The following PTPRN variants were observed in gnomAD, a reference collection of about 807,000 sequenced individuals.
PTPRN encodes protein tyrosine phosphatase receptor type N, also known as receptor-type tyrosine-protein phosphatase-like N.
A neutral mutation model predicts 108.5 loss-of-function variants in PTPRN; 70 were observed. That is an observed-to-expected ratio of 0.65 (90% CI 0.53 to 0.79). The LOEUF (loss-of-function observed/expected upper bound fraction) is 0.79. PTPRN is among the 30% of genes least tolerant of loss of function. The probability of loss-of-function intolerance (pLI) is 0.00; values close to 1 mark genes in which losing one functional copy is unlikely to be tolerated. For synonymous variants in PTPRN, 496 were observed against 524.6 expected (o/e 0.95, Z 0.75); for missense variants, 1,136 against 1,295.5 (o/e 0.88, Z 1.89).
intron 8 of PTPRN, 144 bp from the exon 9 acceptor site, chr2:219,300,403 G>C (rs1195916267): frequency 1.3e-6 from 1 of 772,392 alleles, no homozygotes; most frequent in Non-Finnish European, 2.0e-6. Context: ...GTACAGAGAG[G>C]ACACCAGAGC....
chr2:219,291,399 C>T lies in PTPRN; in HGVS notation c.2729+71G>A. The T allele has an allele frequency of 2.6e-6, 4 of 1,522,862 alleles. No individual in the cohort carries two copies. In the South Asian group the frequency reaches 4.5e-5, roughly 17 times the overall value. The allele number at this position is 1,522,862 out of a possible 1,614,324, so 94.3% of individuals were successfully genotyped here. On this transcript the variant is annotated intron_variant, in intron 20 of 22. Coordinates refer to ENST00000295718, the MANE Select transcript of PTPRN (RefSeq NM_002846.4). ...CTGCAGTTTGCTAGCACCAAGGGGA[C>T]AGGCAGGCAATGTGCACAGGAGACG...
chr2:219,290,939 G>A lies in PTPRN; in HGVS notation c.2730-49C>T. 6.3e-7 allele frequency: 1 copy of A among 1,581,482 alleles called. No individual in the cohort carries two copies. The highest frequency in any genetic ancestry group is 1.3e-5 in the African/African-American group (1 of 74,318). On this transcript the variant is annotated intron_variant, in intron 20 of 22. Transcript: ENST00000295718. This position sits in a 1 kb window ranked among gnomAD's most constrained non-coding sequence, Gnocchi z 4.2. ...TTTAGCTTGAGATGCAGCAGAAAGG[G>A]GGAGGGACGGAGGAGGCGAGGAGGC...
Position 219,302,423 on chromosome 2 carries a change from G to A in PTPRN, c.708C>T (p.Pro236=). ...SPGMVSVGPL[P]KAEAPALFSR... Reference sequence around the variant, plus strand: ...TGAAGAGGGCAGGGGCTTCAGCCTTGGGCAGGGGGCCGACACTGACCATCC... The same window carrying A: ...TGAAGAGGGCAGGGGCTTCAGCCTTAGGCAGGGGGCCGACACTGACCATCC... Residue 236 remains proline (P), a synonymous_variant, in exon 6 of 23, where the codon CCC becomes CCT. Coordinates refer to ENST00000295718, the MANE Select transcript of PTPRN (RefSeq NM_002846.4). The A allele has an allele frequency of 6.2e-7, 1 of 1,614,166 alleles. No homozygotes were observed. The highest frequency in any genetic ancestry group is 8.5e-7 in the Non-Finnish European group (1 of 1,179,984).
intron 19 of PTPRN, among the ~76,000 whole-genome samples, chr2:219,294,526 A>ATGAAGGAGGGACGGAGAGGGG (rs1952130334): frequency 6.6e-6 from 1 of 151,614 alleles, no homozygotes; most frequent in African/African-American, 2.4e-5. Flanking sequence ...ACGGAGAGGG[A>ATGAAGGAGGGACGGAGAGGGG]TGAAGGAGGG....
In PTPRN at chr2:219,296,750, A is replaced by G. The variant is rs1952206831; in HGVS notation, c.2309T>C (p.Ile770Thr). Residue 770 changes from isoleucine (I) to threonine (T), a missense_variant and splice_region_variant, in exon 16 of 23, where the codon ATT (isoleucine) becomes ACT (threonine). Physicochemically the swap from Ile to Thr is moderately conservative, Grantham distance 89. Coordinates refer to ENST00000295718, the MANE Select transcript of PTPRN (RefSeq NM_002846.4). The surrounding 1 kb of genome is among the most constrained non-coding windows in gnomAD (Gnocchi z 6.0). ...SRSDYINASP[I>T]IEHDPRMPAY... ...GGGGCTGGAGTCAGGGCCACTCACA[A>G]TGGGGCTGGCGTTGATGTAATCGCT... The G allele has an allele frequency of 6.2e-7, 1 of 1,613,760 alleles. No individual in the cohort carries two copies. The highest frequency in any genetic ancestry group is 8.5e-7 in the Non-Finnish European group (1 of 1,179,890).
At position 219,295,121 on chromosome 2, in the gene PTPRN, G is replaced by A. The variant is rs1952156159; in HGVS notation, c.2529C>T (p.His843=). 1 of 1,612,180 alleles carries A rather than the reference G, an allele frequency of 6.2e-7. No homozygotes were observed. The highest frequency in any genetic ancestry group is 8.5e-7 in the Non-Finnish European group (1 of 1,179,074). ...GCACCAGAAAGTCCTCGCACCAGAT[G>A]TGCTCCGACACCAGGTTCACCTGCC... ...HVYEVNLVSE[H]IWCEDFLVRS... The change falls in exon 19 of 23, where the codon CAC becomes CAT. Residue 843 remains histidine, a synonymous_variant. Transcript: ENST00000295718.
Position 219,291,786 on chromosome 2 carries a change from T to G in PTPRN, c.2676-263A>C, listed in dbSNP as rs530564255. 12 of 549,334 alleles carry G rather than the reference T, an allele frequency of 2.2e-5. No individual in the cohort carries two copies. The Admixed American group carries it at 2.9e-4, about 13-fold the overall frequency. The allele number at this position is 549,334 out of a possible 1,614,324, so 34.0% of individuals were successfully genotyped here. ...CTGATTTAACCTCTTTGAGCCTCAG[T>G]TTTCTTACCTGTAAAATGGAGGATA... On this transcript the variant is annotated intron_variant, in intron 19 of 22. Coordinates refer to ENST00000295718, the MANE Select transcript of PTPRN (RefSeq NM_002846.4).
intron 1 of PTPRN, chr2:219,308,099 T>G: frequency 2.0e-6 from 1 of 496,780 alleles, no homozygotes; most frequent in South Asian, 2.5e-5. Flanking sequence ...GGAAGAAACC[T>G]TCCAGGTGCA....
In PTPRN at chr2:219,302,870, C is replaced by T. The variant is rs375604685; in HGVS notation, c.378-33G>A. 4.3e-4 allele frequency: 688 copies of T among 1,597,540 alleles called. 4 individuals are homozygous for T. The highest frequency in any genetic ancestry group is 3.0e-4 in the Non-Finnish European group (351 of 1,175,358). On this transcript the variant is annotated intron_variant, in intron 4 of 22. Transcript: ENST00000295718. Reference sequence around the variant, plus strand: ...GGAAAGCAAAGTGTGTGTGTTGGAGCGGGGGAAAGGGCATAGAGAGCCTGC... The same window carrying T: ...GGAAAGCAAAGTGTGTGTGTTGGAGTGGGGGAAAGGGCATAGAGAGCCTGC...
In PTPRN at chr2:219,303,849, A is replaced by G; in HGVS notation, c.281-18T>C. The stretch of plus-strand genomic sequence containing the variant: ...GGACAATCCTGTCAGGAAAGAGGAC[A>G]GCGTAAGTTGGTTCAGGAGTCTGGG... On this transcript the variant is annotated intron_variant, in intron 3 of 22. Coordinates refer to ENST00000295718, the MANE Select transcript of PTPRN (RefSeq NM_002846.4). 6.9e-6 allele frequency: 11 copies of G among 1,594,034 alleles called. No homozygotes were observed. The highest frequency in any genetic ancestry group is 9.4e-6 in the Non-Finnish European group (11 of 1,167,214).
chr2:219,306,689 A>C (rs368980295), intron 3 of PTPRN, among the ~76,000 whole-genome samples: 1 of 152,094 alleles, frequency 6.6e-6, no homozygotes, highest in African/African-American at 2.4e-5. Context: ...CCTCTCCATC[A>C]GTCTTCTACA....
At chr2:219,295,987 C>CAA (rs1952183565) in intron 18 of PTPRN, 1 of 547,356 alleles carries the variant, frequency 1.8e-6, no homozygotes, top group Admixed American at 3.3e-5. Context: ...CACACACACA[C>CAA]ACACACACAC....
intron 1 of PTPRN, 109 bp from the exon 2 acceptor site, chr2:219,307,951 T>A: frequency 9.2e-7 from 1 of 1,082,562 alleles, no homozygotes; most frequent in South Asian, 1.3e-5. Context: ...TCTTTCATTC[T>A]AAAGAAGGCC....
At position 219,290,966 on chromosome 2, in the gene PTPRN, T is replaced by G; in HGVS notation, c.2730-76A>C. Reference sequence around the variant, plus strand: ...GAGGGACGGAGGAGGCGAGGAGGCCTGGAGGCCTGGGGGAGGGGAGGACAC... The same window carrying G: ...GAGGGACGGAGGAGGCGAGGAGGCCGGGAGGCCTGGGGGAGGGGAGGACAC... On this transcript the variant is annotated intron_variant, in intron 20 of 22. Transcript: ENST00000295718. This position sits in a 1 kb window ranked among gnomAD's most constrained non-coding sequence, Gnocchi z 4.2. 6.9e-7 allele frequency: 1 copy of G among 1,445,806 alleles called. No homozygotes were observed. The highest frequency in any genetic ancestry group is 1.7e-4 in the Middle Eastern group (1 of 5,756). The allele number at this position is 1,445,806 out of a possible 1,614,324, so 89.6% of individuals were successfully genotyped here. A position where few individuals can be genotyped will look rare whatever the true frequency, so the allele number is the denominator to read the frequency against.
chr2:219,302,672 G>A lies in PTPRN; in HGVS notation c.543C>T (p.Leu181=), dbSNP rs377433824. ...GCAGCAGGTGCTCCAAGAGAGGCGG[G>A]AGCAGCTCAGCCTGCAGAGGGGACA... is the stretch of plus-strand genomic sequence containing the variant. ...SSLSPLQAEL[L]PPLLEHLLLP... Residue 181 remains leucine (L), a synonymous_variant, in exon 5 of 23, where the codon CTC becomes CTT. Coordinates refer to ENST00000295718, the MANE Select transcript of PTPRN (RefSeq NM_002846.4). The A allele has an allele frequency of 1.9e-6, 3 of 1,613,420 alleles. No homozygotes were observed. Among genetic ancestry groups the A allele is most frequent in the Admixed American group, 1.7e-5 (1 of 59,944 alleles).
intron 3 of PTPRN, chr2:219,304,117 G>T: frequency 3.8e-6 from 1 of 263,610 alleles, no homozygotes; most frequent in Non-Finnish European, 7.2e-6. Flanking sequence ...AATAAAATGG[G>T]GATTTATACC....
intron 12 of PTPRN, 36 bp downstream of exon 12, chr2:219,299,011 C>T (rs764355043): frequency 6.2e-7 from 1 of 1,612,172 alleles, no homozygotes; most frequent in Non-Finnish European, 8.5e-7. Flanking sequence ...CATCAGCCCT[C>T]TGGGGACTTG....
chr2:219,302,760 G>A lies in PTPRN; in HGVS notation c.455C>T (p.Ala152Val), dbSNP rs1292010737. 4.3e-6 allele frequency: 7 copies of A among 1,613,642 alleles called. No homozygotes were observed. Among genetic ancestry groups the A allele is most frequent in the Non-Finnish European group, 5.9e-6 (7 of 1,179,942 alleles). The stretch of plus-strand genomic sequence containing the variant: ...TGGTTGTGGAAGCCGATGCTGGGCA[G>A]CAGGGGCGGAGCCAGTGGGGATGTC... The part of the protein sequence containing the change: ...LQDIPTGSAP[A>V]AQHRLPQPPV... Residue 152 changes from alanine to valine, a missense_variant, in exon 5 of 23, where the codon GCT becomes GTT. Ala to Val is a moderately conservative substitution (Grantham distance 64). Transcript: ENST00000295718.
chr2:219,294,588 G>C (rs796938790), intron 19 of PTPRN, among the ~76,000 whole-genome samples: 13 of 141,566 alleles, frequency 9.2e-5, no homozygotes, highest in African/African-American at 3.7e-4. Flanking sequence ...GCAGCGCAGT[G>C]CAGGGCCTGG....
Sources: gnomAD v4.1 joint callset for allele counts (sites outside exome capture counted in the v4.1 genomes callset) on GRCh38, gnomAD v4.1.1 for gene constraint, Gnocchi (gnomAD v3.1) non-coding constraint, MANE v1.5 for transcripts, NCBI Gene and HGNC (gene_info 2026-07-23, HGNC 2026-07-21) for gene names.